Variants in STARD13 observed in about 807,000 individuals in gnomAD.
The protein encoded by STARD13 is StAR related lipid transfer domain containing 13.
STARD13 carries 62 observed loss-of-function variants against 106.4 expected under a neutral mutation model. The ratio of observed to expected loss-of-function variants is 0.58; its 90% CI spans 0.48 to 0.72. The LOEUF is 0.72. Ranked by LOEUF, STARD13 falls within the 30% of genes least tolerant of loss-of-function variation. The probability of loss-of-function intolerance (pLI) is 0.00; values close to 1 mark genes in which losing one functional copy is unlikely to be tolerated. For synonymous variants in STARD13, 565 were observed against 553.0 expected, an observed-to-expected ratio of 1.02 and a Z score of -0.31; for missense variants, 1,387 against 1,424.0, an observed-to-expected ratio of 0.97 and a Z score of 0.42.
intron 4 of STARD13, among the ~76,000 whole-genome samples, chr13:33,132,568 T>C (rs1488712281): frequency 6.6e-6 from 1 of 152,122 alleles, no homozygotes; most frequent in Non-Finnish European, 1.5e-5. Flanking sequence ...GCGTGAAAAA[T>C]GGACTAATAC....
intron 1 of STARD13, among the ~76,000 whole-genome samples, chr13:33,189,433 TCGGAGG>T (rs1886065785): frequency 2.3e-5 from 1 of 44,374 alleles, no homozygotes; most frequent in Non-Finnish European, 5.0e-5. Context: ...CTTCCTCCTT[TCGGAGG>T]AAGGAGGGAA....
the STARD13 span, among the ~76,000 whole-genome samples, chr13:33,540,715 C>A: frequency 6.6e-6 from 1 of 152,156 alleles, no homozygotes; most frequent in African/African-American, 2.4e-5. Flanking sequence ...TTGGCTTATG[C>A]TCACAATTCT....
At chr13:33,164,180 T>C (rs1447216999) in intron 3 of STARD13, 1 of 152,226 alleles carries the variant, frequency 6.6e-6, no homozygotes, top group East Asian at 1.9e-4. Flanking sequence ...TATTATTTTC[T>C]TGAACATTCA....
chr13:33,571,730 A>T, the STARD13 span, among the ~76,000 whole-genome samples: 2 of 152,196 alleles, frequency 1.3e-5, no homozygotes, highest in Non-Finnish European at 2.9e-5. Context: ...CAGGGATGAG[A>T]TGTAGCCTGC....
intron 3 of STARD13, among the ~76,000 whole-genome samples, chr13:33,164,823 T>G (rs1344967103): frequency 2.0e-5 from 3 of 152,184 alleles, no homozygotes; most frequent in Non-Finnish European, 2.9e-5. Context: ...GCCAGTTTGG[T>G]GCTACAATTA....
chr13:33,392,920 A>G, the STARD13 span, among the ~76,000 whole-genome samples: 22 of 152,220 alleles, frequency 1.4e-4, no homozygotes, highest in Admixed American at 2.0e-4. Context: ...GAGTAAACAA[A>G]ATGTAGAATT....
chr13:33,177,411 G>A (rs1404795121), intron 1 of STARD13, among the ~76,000 whole-genome samples: 1 of 152,110 alleles, frequency 6.6e-6, no homozygotes, highest in East Asian at 1.9e-4. Context: ...ATTTAAAAAT[G>A]CAACCAATCC....
chr13:33,257,879 G>A (rs149237722), intron 1 of STARD13, among the ~76,000 whole-genome samples: 14 of 152,326 alleles, frequency 9.2e-5, no homozygotes, highest in African/African-American at 3.4e-4. Context: ...GATCATCACT[G>A]TAAATATATT....
At chr13:33,460,452 C>T in the STARD13 span, among the ~76,000 whole-genome samples, 2,058 of 150,906 alleles carry the variant, frequency 0.014, 22 homozygotes, top group South Asian at 0.033. Context: ...GATAGTGCCA[C>T]TGCACTCCAG....
chr13:33,140,467 C>T (rs532948191), intron 4 of STARD13, among the ~76,000 whole-genome samples: 1 of 152,290 alleles, frequency 6.6e-6, no homozygotes, highest in East Asian at 1.9e-4. Flanking sequence ...TTTATTCCCA[C>T]ATTTTAAATT....
the STARD13 span, among the ~76,000 whole-genome samples, chr13:33,595,744 G>A: frequency 1.3e-5 from 2 of 152,106 alleles, no homozygotes; most frequent in Non-Finnish European, 2.9e-5. Flanking sequence ...AAAAGTCTTG[G>A]GTCAGCATGG....
At chr13:33,528,261 T>TATATATATATATATATATATATATAC in the STARD13 span, among the ~76,000 whole-genome samples, 319 of 128,210 alleles carry the variant, frequency 2.5e-3, 6 homozygotes, top group African/African-American at 0.011. Context: ...TATATACATA[T>TATATATATATATATATATATATATAC]ATATATATAT....
At chr13:33,219,193 A>G (rs1221817034) in intron 1 of STARD13, among the ~76,000 whole-genome samples, 1 of 152,170 alleles carries the variant, frequency 6.6e-6, no homozygotes. Flanking sequence ...CCACAGTTCC[A>G]GGGCATGACT....
the STARD13 span, among the ~76,000 whole-genome samples, chr13:33,582,606 T>C: frequency 2.9e-4 from 44 of 152,334 alleles, 1 homozygote; most frequent in South Asian, 8.7e-3. Context: ...CATCACATCA[T>C]TTATTTTTGA....
chr13:33,232,097 T>C (rs1274760529), intron 1 of STARD13, among the ~76,000 whole-genome samples: 1 of 152,150 alleles, frequency 6.6e-6, no homozygotes, highest in Non-Finnish European at 1.5e-5. Flanking sequence ...TGGATCACCT[T>C]AGGTCAGGAG....
the STARD13 span, among the ~76,000 whole-genome samples, chr13:33,459,917 T>C: frequency 1.3e-5 from 2 of 152,226 alleles, no homozygotes; most frequent in Admixed American, 6.5e-5. Flanking sequence ...TGTGATGCCA[T>C]TCTAACCTTT....
the STARD13 span, among the ~76,000 whole-genome samples, chr13:33,396,486 C>T: frequency 6.6e-6 from 1 of 152,176 alleles, no homozygotes; most frequent in Admixed American, 6.5e-5. Flanking sequence ...CCAGTTCACT[C>T]CCCGAATGGC....
At chr13:33,414,024 T>G in the STARD13 span, among the ~76,000 whole-genome samples, 1 of 118,328 alleles carries the variant, frequency 8.5e-6, no homozygotes, top group Admixed American at 8.3e-5. Flanking sequence ...CAGAGTGAGA[T>G]TCCCTCTCAA....
the STARD13 span, among the ~76,000 whole-genome samples, chr13:33,421,618 C>A: frequency 6.6e-6 from 1 of 152,230 alleles, no homozygotes; most frequent in South Asian, 2.1e-4. Flanking sequence ...ATCCTGATAC[C>A]ACAGCCTGGC....
Sources: gnomAD v4.1 joint callset for allele counts (sites outside exome capture counted in the v4.1 genomes callset) on GRCh38, gnomAD v4.1.1 for gene constraint, MANE v1.5 for transcripts, NCBI Gene and HGNC (gene_info 2026-07-23, HGNC 2026-07-21) for gene names.